LCOR: variants seen among roughly 807,000 people sequenced by gnomAD.
LCOR encodes ligand-dependent corepressor.
In LCOR, 14 loss-of-function variants were observed where a neutral mutation model predicts 64.4. The observed-to-expected ratio is 0.22, with a 90% CI of 0.14 to 0.34. The LOEUF (loss-of-function observed/expected upper bound fraction) is 0.34, where lower values mean the gene tolerates loss of function less well. Among genes scored for constraint, LCOR ranks in the 10% least tolerant of loss-of-function variants. The probability of loss-of-function intolerance (pLI) is 1.00; values close to 1 mark genes in which losing one functional copy is unlikely to be tolerated. For missense variants in LCOR, 1,686 were observed against 1,765.3 expected (o/e 0.96, Z 0.80); for synonymous variants, 643 against 642.5 (o/e 1.00, Z -0.01).
chr10:96,924,411 T>G (rs185337936), intron 4 of LCOR, among the ~76,000 whole-genome samples: 7 of 151,840 alleles, frequency 4.6e-5, no homozygotes, highest in South Asian at 2.1e-4. Flanking sequence ...TTGTTTGTTT[T>G]TTGTATTTTT....
At chr10:96,958,594 C>T (rs1023509992) in intron 7 of LCOR, 2 of 617,668 alleles carry the variant, frequency 3.2e-6, no homozygotes, top group African/African-American at 3.7e-5. Flanking sequence ...TCTAAACTTT[C>T]TCAGATTAAA....
At chr10:96,856,023 C>T (rs536809676) in intron 2 of LCOR, among the ~76,000 whole-genome samples, 172 of 152,252 alleles carry the variant, frequency 1.1e-3, no homozygotes, top group African/African-American at 3.7e-3. Context: ...GGATCACAGG[C>T]GTGAGACATA....
At chr10:96,873,633 C>T (rs1048731099) in intron 2 of LCOR, among the ~76,000 whole-genome samples, 3 of 146,344 alleles carry the variant, frequency 2.0e-5, no homozygotes, top group Non-Finnish European at 4.5e-5. Flanking sequence ...GACAGGGTCT[C>T]CCTCTGTGGC....
chr10:96,883,401 A>G (rs1477419417), intron 2 of LCOR, among the ~76,000 whole-genome samples: 2 of 152,212 alleles, frequency 1.3e-5, no homozygotes, highest in Non-Finnish European at 2.9e-5. Context: ...CAATTGCTGT[A>G]TCATATGATA....
At chr10:96,956,752 A>G (rs1329861805) in intron 7 of LCOR, 31 of 985,710 alleles carry the variant, frequency 3.1e-5, no homozygotes, top group Non-Finnish European at 3.7e-5. Flanking sequence ...TTTACTCAGG[A>G]GCAGTCAGGG....
intron 4 of LCOR, among the ~76,000 whole-genome samples, chr10:96,920,751 T>TATATGTATACACACACAC (rs761907103): frequency 1.1e-3 from 131 of 118,862 alleles, no homozygotes; most frequent in East Asian, 4.1e-3. Context: ...TATATATGTA[T>TATATGTATACACACACAC]ACACACACAC....
intron 4 of LCOR, among the ~76,000 whole-genome samples, chr10:96,938,341 C>T (rs146861757): frequency 1.3e-5 from 2 of 152,224 alleles, no homozygotes; most frequent in East Asian, 1.9e-4. Context: ...TCCAAAATGG[C>T]ATTTGGCCAA....
chr10:96,979,438 C>A (rs1239404051), intron 7 of LCOR, among the ~76,000 whole-genome samples: 1 of 152,234 alleles, frequency 6.6e-6, no homozygotes, highest in Non-Finnish European at 1.5e-5. Flanking sequence ...CAGGTATTGC[C>A]TGTGGCATGT....
At chr10:96,955,764 C>T in intron 7 of LCOR, 2 of 1,614,146 alleles carry the variant, frequency 1.2e-6, no homozygotes, top group Non-Finnish European at 8.5e-7. Context: ...CCACAGTACA[C>T]TGGAGTACAA....
intron 4 of LCOR, among the ~76,000 whole-genome samples, chr10:96,933,049 A>C (rs994158901): frequency 6.6e-6 from 1 of 152,220 alleles, no homozygotes; most frequent in African/African-American, 2.4e-5. Context: ...TATTAAGATA[A>C]GTGTTTTTGA....
chr10:96,885,611 T>A (rs1846330198), intron 2 of LCOR, among the ~76,000 whole-genome samples: 1 of 149,706 alleles, frequency 6.7e-6, no homozygotes, highest in Non-Finnish European at 1.5e-5. Context: ...TTGCCCAAGC[T>A]GATCTCAAAC....
chr10:96,927,305 T>C (rs911518597), intron 4 of LCOR, among the ~76,000 whole-genome samples: 7 of 152,186 alleles, frequency 4.6e-5, no homozygotes, highest in Non-Finnish European at 1.0e-4. Flanking sequence ...TTTTATGTGA[T>C]GTGTTTGTTT....
chr10:96,902,766 CTAAT>C (rs1846661767), intron 2 of LCOR, among the ~76,000 whole-genome samples: 2 of 152,112 alleles, frequency 1.3e-5, no homozygotes, highest in African/African-American at 4.8e-5. Flanking sequence ...TATTAGGACA[CTAAT>C]TGATTATTAT....
chr10:96,837,249 C>T (rs1299204736), intron 2 of LCOR, among the ~76,000 whole-genome samples: 1 of 152,040 alleles, frequency 6.6e-6, no homozygotes, highest in Non-Finnish European at 1.5e-5. Flanking sequence ...CTTGGCCTCC[C>T]AAAGTGCTGG....
intron 2 of LCOR, among the ~76,000 whole-genome samples, chr10:96,841,232 T>C (rs540620567): frequency 5.2e-4 from 79 of 152,292 alleles, no homozygotes; most frequent in Admixed American, 9.8e-4. Context: ...ATTTTTTAAA[T>C]GTGCAGTAAT....
At chr10:96,856,705 G>C (rs1478439803) in intron 2 of LCOR, among the ~76,000 whole-genome samples, 1 of 151,604 alleles carries the variant, frequency 6.6e-6, no homozygotes, top group African/African-American at 2.4e-5. Flanking sequence ...TCTAACTCCT[G>C]AGCTCAGGTG....
At chr10:96,879,408 A>G (rs1846223216) in intron 2 of LCOR, among the ~76,000 whole-genome samples, 1 of 152,208 alleles carries the variant, frequency 6.6e-6, no homozygotes, top group African/African-American at 2.4e-5. Flanking sequence ...ATGGAGAGTG[A>G]GGATTCAAGC....
At chr10:96,860,662 C>T (rs529386618) in intron 2 of LCOR, among the ~76,000 whole-genome samples, 8 of 152,226 alleles carry the variant, frequency 5.3e-5, no homozygotes, top group Non-Finnish European at 2.9e-5. Flanking sequence ...GTAAGTCCAT[C>T]GTTTTGAAAT....
At chr10:96,960,214 C>A (rs901610267) in intron 7 of LCOR, 3 of 152,334 alleles carry the variant, frequency 2.0e-5, no homozygotes, top group African/African-American at 7.2e-5. Flanking sequence ...CCCCCTACCC[C>A]CAAGTAAGCA....
Sources: gnomAD v4.1 joint callset for allele counts (sites outside exome capture counted in the v4.1 genomes callset) on GRCh38, gnomAD v4.1.1 for gene constraint, MANE v1.5 for transcripts, NCBI Gene and HGNC (gene_info 2026-07-23, HGNC 2026-07-21) for gene names.